Variants in CELF2 observed in about 807,000 individuals in gnomAD.
CELF2 encodes the protein CUGBP Elav-like family member 2.
A neutral mutation model predicts 62.6 loss-of-function variants in CELF2; 8 were observed. The observed-to-expected ratio is 0.13, with a 90% CI of 0.07 to 0.23. The LOEUF (loss-of-function observed/expected upper bound fraction) is 0.23. Among genes scored for constraint, CELF2 ranks in the 10% least tolerant of loss-of-function variants. The pLI is 1.00. For synonymous variants in CELF2, 258 were observed against 250.0 expected (o/e 1.03, Z -0.30); for missense variants, 333 against 671.0 (o/e 0.50, Z 5.56).
At chr10:10,623,429 T>C in the CELF2 span, among the ~76,000 whole-genome samples, 1 of 152,238 alleles carries the variant, frequency 6.6e-6, no homozygotes, top group Non-Finnish European at 1.5e-5. Context: ...AAAATGCTAA[T>C]CTTAACAGTG....
chr10:11,273,968 A>ACCCCCCCCCCCCCCCCC (rs10612614), intron 7 of CELF2, among the ~76,000 whole-genome samples: 41 of 96,444 alleles, frequency 4.3e-4, no homozygotes, highest in Non-Finnish European at 5.9e-4. Flanking sequence ...AGTGATCCCC[A>ACCCCCCCCCCCCCCCCC]CCCCCCCCCC....
rs550462353 is a variant in CELF2, at chr10:11,153,631, A to G, written c.75-11855A>G. 3.2e-4 allele frequency among the ~76,000 whole-genome samples: 48 copies of G among 152,360 alleles called. 1 individual carries two copies. The highest frequency in any genetic ancestry group is 1.1e-3 in the African/African-American group (45 of 41,584). ...AACACCCTTGGTTCTGCTGTTTCTA[A>G]TGGAGATGCTAATTTTCCCTGGAAT... On this transcript the variant is annotated intron_variant, in intron 1 of 12. Transcript: ENST00000633077.
the CELF2 span, among the ~76,000 whole-genome samples, chr10:10,757,417 C>A: frequency 1.3e-5 from 2 of 152,240 alleles, no homozygotes; most frequent in African/African-American, 2.4e-5. Context: ...ATTATCATAC[C>A]ATTGCACTGT....
At chr10:10,485,600 A>C in the CELF2 span, among the ~76,000 whole-genome samples, 60 of 152,330 alleles carry the variant, frequency 3.9e-4, no homozygotes, top group Non-Finnish European at 7.5e-4. Context: ...TCTCTGCTCT[A>C]TTTGTGGCAC....
chr10:11,300,963 G>T lies in CELF2; in HGVS notation c.976+12411G>T, dbSNP rs2093660368. Among the ~76,000 whole-genome samples the T allele has an allele frequency of 6.6e-6, 1 of 152,044 alleles. No individual in the cohort carries two copies. Among genetic ancestry groups the T allele is most frequent in the African/African-American group, 2.4e-5 (1 of 41,402 alleles). Reference sequence around the variant, plus strand: ...CTTCTGTTAATGTTGTTTTGTTGCAGCTTTAAAAAAAAGTATTTTGCTATC... The same window carrying T: ...CTTCTGTTAATGTTGTTTTGTTGCATCTTTAAAAAAAAGTATTTTGCTATC... On this transcript the variant is annotated intron_variant, in intron 9 of 12. Coordinates refer to ENST00000633077, the MANE Select transcript of CELF2 (RefSeq NM_001326342.2). This position sits in a 1 kb window ranked among gnomAD's most constrained non-coding sequence, Gnocchi z 5.5.
intron 1 of CELF2, among the ~76,000 whole-genome samples, chr10:11,021,946 ATATT>A (rs1316769752): frequency 5.3e-5 from 8 of 152,344 alleles, no homozygotes; most frequent in African/African-American, 1.7e-4. Flanking sequence ...GTTATTCCAT[ATATT>A]TATTAACTAA....
intron 2 of CELF2, among the ~76,000 whole-genome samples, chr10:10,954,215 TTA>T (rs1491482833): frequency 0.14 from 862 of 6,094 alleles, 8 homozygotes; most frequent in Middle Eastern, 0.31. Context: ...AATTTATTTA[TTA>T]TTATTATTAT....
chr10:10,769,822 C>G, the CELF2 span, among the ~76,000 whole-genome samples: 1 of 151,942 alleles, frequency 6.6e-6, no homozygotes, highest in Non-Finnish European at 1.5e-5. Context: ...TGCTAATTCA[C>G]TTTAAAATTT....
the CELF2 span, among the ~76,000 whole-genome samples, chr10:10,626,921 T>TA: frequency 1.3e-5 from 2 of 152,222 alleles, no homozygotes; most frequent in Non-Finnish European, 2.9e-5. Flanking sequence ...CAGCATTCCT[T>TA]AAATCCTAGC....
In CELF2 at chr10:11,165,348, T is replaced by G. The variant is rs2066754958; in HGVS notation, c.75-138T>G. 1 of 1,472,358 alleles carries G rather than the reference T, an allele frequency of 6.8e-7. No homozygotes were observed. Among genetic ancestry groups the G allele is most frequent in the Non-Finnish European group, 9.0e-7 (1 of 1,116,780 alleles). The allele number at this position is 1,472,358 out of a possible 1,614,324, so 91.2% of individuals were successfully genotyped here. On this transcript the variant is annotated intron_variant, in intron 1 of 12. Transcript: ENST00000633077. This position sits in a 1 kb window ranked among gnomAD's most constrained non-coding sequence, Gnocchi z 7.4. ...TCCGCTTTGTTTTAGTTCATCAAAT[T>G]TCTACGACTCATTAGGCACTTTGCC...
At chr10:10,732,287 T>C in the CELF2 span, among the ~76,000 whole-genome samples, 2 of 152,150 alleles carry the variant, frequency 1.3e-5, no homozygotes, top group African/African-American at 2.4e-5. Context: ...TAATGATATA[T>C]GCAATGCATG....
intron 3 of CELF2, among the ~76,000 whole-genome samples, chr10:11,232,352 C>A (rs1162698866): frequency 1.3e-5 from 2 of 152,162 alleles, no homozygotes; most frequent in Non-Finnish European, 2.9e-5. Flanking sequence ...TTTGGAGACT[C>A]ATAAGCCTCA....
At chr10:11,106,604 TG>T (rs1271221596) in intron 1 of CELF2, among the ~76,000 whole-genome samples, 2 of 152,236 alleles carry the variant, frequency 1.3e-5, no homozygotes, top group Non-Finnish European at 2.9e-5. Flanking sequence ...AACTACGAAA[TG>T]GGGACAAGGA....
chr10:10,901,938 C>T (rs1302827907), intron 1 of CELF2, among the ~76,000 whole-genome samples: 1 of 152,096 alleles, frequency 6.6e-6, no homozygotes, highest in Non-Finnish European at 1.5e-5. Flanking sequence ...AAGCATTTCA[C>T]CAAAGAAGAC....
chr10:10,932,626 T>C (rs376995190), intron 2 of CELF2, among the ~76,000 whole-genome samples: 2 of 152,240 alleles, frequency 1.3e-5, no homozygotes, highest in South Asian at 2.1e-4. Context: ...AGAAAGCATG[T>C]TCTTTCTTAG....
Position 11,011,260 on chromosome 10 carries a change from C to T in CELF2, c.53+5820C>T, listed in dbSNP as rs1485204555. 6.6e-6 allele frequency: 1 copy of T among 151,918 alleles called. No homozygotes were observed. Among genetic ancestry groups the T allele is most frequent in the Non-Finnish European group, 1.5e-5 (1 of 67,992 alleles). 9.4% of individuals were successfully genotyped at this position (151,918 alleles called of 1,614,324 possible). A position where few individuals can be genotyped will look rare whatever the true frequency, so the allele number is the denominator to read the frequency against. ...ACCAAGCAAGTAACAAACATACATG[C>T]AGTGCTCAATGAAAGACATAGTCTG... On this transcript the variant is annotated intron_variant, in intron 1 of 12. Coordinates refer to the CELF2 transcript ENST00000416382. This position sits in a 1 kb window ranked among gnomAD's most constrained non-coding sequence, Gnocchi z 4.6.
chr10:10,793,471 TAAGAA>T (rs1332664891), upstream of CELF2, among the ~76,000 whole-genome samples: 1 of 152,032 alleles, frequency 6.6e-6, no homozygotes, highest in Non-Finnish European at 1.5e-5. Flanking sequence ...ACAAACAAAA[TAAGAA>T]AACATAGCCG....
At chr10:10,775,741 G>T in the CELF2 span, among the ~76,000 whole-genome samples, 1 of 152,294 alleles carries the variant, frequency 6.6e-6, no homozygotes, top group African/African-American at 2.4e-5. Flanking sequence ...GGAGATAGGA[G>T]ACCAATGAGG....
chr10:10,657,456 G>A, the CELF2 span, among the ~76,000 whole-genome samples: 66,783 of 151,714 alleles, frequency 0.44, 15,124 homozygotes, highest in South Asian at 0.71. Context: ...CACCAGCCCA[G>A]TACTTTAAAT....
Sources: gnomAD v4.1 joint callset for allele counts (sites outside exome capture counted in the v4.1 genomes callset) on GRCh38, gnomAD v4.1.1 for gene constraint, Gnocchi (gnomAD v3.1) non-coding constraint, MANE v1.5 for transcripts, NCBI Gene and HGNC (gene_info 2026-07-23, HGNC 2026-07-21) for gene names.